RND3: variants seen among roughly 807,000 people sequenced by gnomAD.
RND3 encodes the protein Rho family GTPase 3, also known as rho-related GTP-binding protein RhoE.
Under a neutral mutation model 26.5 loss-of-function variants are expected in RND3, and 8 were observed. That is an observed-to-expected ratio of 0.30 (90% CI 0.18 to 0.54). The LOEUF (loss-of-function observed/expected upper bound fraction) is 0.54. Among genes scored for constraint, RND3 ranks in the 20% least tolerant of loss-of-function variants. RND3 has a pLI of 0.94. For synonymous variants in RND3, 113 were observed against 113.0 expected, an observed-to-expected ratio of 1.00 and a Z score of 0.00; for missense variants, 207 against 302.8, an observed-to-expected ratio of 0.68 and a Z score of 2.35.
At chr2:150,477,672 C>T (rs1201394599) in intron 3 of RND3, among the ~76,000 whole-genome samples, 1 of 152,138 alleles carries the variant, frequency 6.6e-6, no homozygotes, top group Non-Finnish European at 1.5e-5. Context: ...AATTTAGACT[C>T]TGGCCTGATT....
chr2:150,481,793 T>C lies in RND3; in HGVS notation c.238+4901A>G, dbSNP rs570414558. On this transcript the variant is annotated intron_variant, in intron 3 of 5. Coordinates refer to ENST00000263895, the MANE Select transcript of RND3 (RefSeq NM_005168.5). Reference sequence around the variant, plus strand: ...TTAAGCTGCTTTTCTGGATTAATTATATACTAATCTCCAATACTGCTGAAC... The same window carrying C: ...TTAAGCTGCTTTTCTGGATTAATTACATACTAATCTCCAATACTGCTGAAC... Among the ~76,000 whole-genome samples, 3 of 152,330 alleles carry C rather than the reference T, an allele frequency of 2.0e-5. No homozygotes were observed. The East Asian group carries it at 5.8e-4, about 29-fold the overall frequency.
intron 3 of RND3, among the ~76,000 whole-genome samples, chr2:150,480,983 C>T (rs1227690874): frequency 6.6e-6 from 1 of 152,208 alleles, no homozygotes; most frequent in Non-Finnish European, 1.5e-5. Flanking sequence ...CCCAAGCATC[C>T]ATGCTTCTCT....
At chr2:150,477,507 C>T (rs13405196) in intron 3 of RND3, among the ~76,000 whole-genome samples, 4 of 152,078 alleles carry the variant, frequency 2.6e-5, no homozygotes, top group African/African-American at 9.7e-5. Context: ...CCCCTCCCCC[C>T]TTTGTGGACT....
chr2:150,470,376 C>CA (rs796961815), intron 5 of RND3, 138 bp from the exon 6 acceptor site: 34,272 of 556,204 alleles, frequency 0.062, 56 homozygotes, highest in South Asian at 0.086. Flanking sequence ...AGTGTCATTG[C>CA]AAAAAAAAAA....
chr2:150,469,391 C>G lies in RND3; in HGVS notation c.*596G>C, dbSNP rs913196740. 6.5e-6 allele frequency: 1 copy of G among 152,876 alleles called. No homozygotes were observed. The highest frequency in any genetic ancestry group is 6.5e-5 in the Admixed American group (1 of 15,268). 9.5% of individuals were successfully genotyped at this position (152,876 alleles called of 1,614,324 possible). On this transcript the variant is annotated 3_prime_UTR_variant, in exon 6 of 6. Transcript: ENST00000263895. ...AGGCTTTCCTTAGAACCATCCTACT[C>G]AGCTATCTTCAGGAAGGCAAGATTT... is the stretch of plus-strand genomic sequence containing the variant.
intron 3 of RND3, among the ~76,000 whole-genome samples, chr2:150,476,671 G>T (rs192884280): frequency 6.6e-6 from 1 of 152,148 alleles, no homozygotes; most frequent in Non-Finnish European, 1.5e-5. Context: ...AGCTTAAAGC[G>T]TTTAGAGTTT....
chr2:150,487,390 AT>A lies in RND3; in HGVS notation c.27del (p.Lys9AsnfsTer14), dbSNP rs1686397811. ...GGATCCATGATAGATTTGCTGGATA[AT>A]TTCTGGCTGGCTCTTCTCTCCTTCA... MKERRASQKLSSKSIMDPN... is the reference protein window; with the variant it reads MKERRASQXLSSKSIMDPN... On this transcript the variant is annotated frameshift_variant, in exon 2 of 6. Coordinates refer to ENST00000263895, the MANE Select transcript of RND3 (RefSeq NM_005168.5). LOFTEE classifies it high-confidence loss of function. 1 of 1,537,460 alleles carries A rather than the reference AT, an allele frequency of 6.5e-7. No individual in the cohort carries two copies. Among genetic ancestry groups the A allele is most frequent in the Non-Finnish European group, 8.8e-7 (1 of 1,139,384 alleles).
rs1686042976 is a variant in RND3 at position 150,469,392 on chromosome 2, A to C, written c.*595T>G. ...GGCTTTCCTTAGAACCATCCTACTCAGCTATCTTCAGGAAGGCAAGATTTC... is the reference window on the plus strand; with the variant it reads ...GGCTTTCCTTAGAACCATCCTACTCCGCTATCTTCAGGAAGGCAAGATTTC... On this transcript the variant is annotated 3_prime_UTR_variant, in exon 6 of 6. Transcript: ENST00000263895. The C allele has an allele frequency of 6.5e-6, 1 of 152,934 alleles. No individual in the cohort carries two copies. Among genetic ancestry groups the C allele is most frequent in the Non-Finnish European group, 1.5e-5 (1 of 68,344 alleles). 9.5% of individuals were successfully genotyped at this position (152,934 alleles called of 1,614,324 possible). A position where few individuals can be genotyped will look rare whatever the true frequency, so the allele number is the denominator to read the frequency against.
chr2:150,478,961 C>T (rs774380508), intron 3 of RND3, among the ~76,000 whole-genome samples: 1 of 152,208 alleles, frequency 6.6e-6, no homozygotes, highest in African/African-American at 2.4e-5. Context: ...ACCTGCCACA[C>T]CTCTGAAGGA....
intron 3 of RND3, among the ~76,000 whole-genome samples, chr2:150,485,540 C>T (rs559028147): frequency 7.2e-5 from 11 of 152,344 alleles, no homozygotes; most frequent in African/African-American, 2.4e-4. Context: ...CTCGGTCCGC[C>T]AGCAACCCAG....
rs1313610531 is a variant in RND3 at position 150,469,298 on chromosome 2, AC to A, written c.*688del. ...GAACCATCAGACTGAATAAAAATCG[AC>A]ATTTTTTTTCCTATTTGATCTATGC... On this transcript the variant is annotated 3_prime_UTR_variant, in exon 6 of 6. Coordinates refer to ENST00000263895, the MANE Select transcript of RND3 (RefSeq NM_005168.5). 6.6e-6 allele frequency: 1 copy of A among 152,588 alleles called. No individual in the cohort carries two copies. The highest frequency in any genetic ancestry group is 2.4e-5 in the African/African-American group (1 of 41,454). 9.5% of individuals were successfully genotyped at this position (152,588 alleles called of 1,614,324 possible). A position where few individuals can be genotyped will look rare whatever the true frequency, so the allele number is the denominator to read the frequency against.
At chr2:150,483,124 A>G (rs542912350) in intron 3 of RND3, among the ~76,000 whole-genome samples, 1 of 152,332 alleles carries the variant, frequency 6.6e-6, no homozygotes, top group Non-Finnish European at 1.5e-5. Flanking sequence ...CTTGGTGCAA[A>G]GAGACTTCAC....
At chr2:150,475,501 C>A (rs1686149222) in intron 3 of RND3, among the ~76,000 whole-genome samples, 1 of 152,126 alleles carries the variant, frequency 6.6e-6, no homozygotes, top group Non-Finnish European at 1.5e-5. Flanking sequence ...CTGTTAAAAG[C>A]TGAGTGGTAG....
At chr2:150,480,421 G>T (rs1686251275) in intron 3 of RND3, among the ~76,000 whole-genome samples, 2 of 152,138 alleles carry the variant, frequency 1.3e-5, no homozygotes, top group South Asian at 4.1e-4. Context: ...TCATTTAAAG[G>T]ACATCAGAAA....
At chr2:150,481,602 C>G (rs1193223003) in intron 3 of RND3, among the ~76,000 whole-genome samples, 1 of 152,166 alleles carries the variant, frequency 6.6e-6, no homozygotes, top group African/African-American at 2.4e-5. Flanking sequence ...TCTCACCCAG[C>G]TCTGTACTCC....
At position 150,473,614 on chromosome 2, in the gene RND3, G is replaced by A. The variant is rs1364244677; in HGVS notation, c.348+1261C>T. ...GATATGTATTACTCAAAATTGAAAGGAGCTAAAAAGGAAAAAAGAGTCTTT... is the reference window on the plus strand; with the variant it reads ...GATATGTATTACTCAAAATTGAAAGAAGCTAAAAAGGAAAAAAGAGTCTTT... On this transcript the variant is annotated intron_variant, in intron 4 of 5. Transcript: ENST00000263895. Among the ~76,000 whole-genome samples the A allele has an allele frequency of 2.6e-5, 4 of 152,090 alleles. No homozygotes were observed. The East Asian group carries it at 7.7e-4, about 29-fold the overall frequency.
At chr2:150,475,778 G>A (rs76281554) in intron 3 of RND3, among the ~76,000 whole-genome samples, 2,332 of 152,254 alleles carry the variant, frequency 0.015, 63 homozygotes, top group African/African-American at 0.053. Flanking sequence ...ATAGGATCAT[G>A]TCGCTTTTTT....
chr2:150,471,962 ATAATTATG>A (rs1686093895), intron 4 of RND3: 3 of 536,048 alleles, frequency 5.6e-6, no homozygotes, highest in South Asian at 2.3e-5. Context: ...GCATTAGAGA[ATAATTATG>A]TATATTATGA....
intron 4 of RND3, among the ~76,000 whole-genome samples, chr2:150,473,269 A>G (rs1686115652): frequency 6.6e-6 from 1 of 152,192 alleles, no homozygotes; most frequent in Non-Finnish European, 1.5e-5. Context: ...TAAACCTCAC[A>G]GGAATGTAAA....
Sources: allele counts gnomAD v4.1 joint callset (sites outside exome capture counted in the v4.1 genomes callset), GRCh38; gene constraint gnomAD v4.1.1; transcripts MANE v1.5; gene names NCBI Gene and HGNC (gene_info 2026-07-23, HGNC 2026-07-21).